DDX51: variants seen among roughly 807,000 people sequenced by gnomAD.
DDX51 encodes the protein DEAD-box helicase 51.
In DDX51, 67 loss-of-function variants were observed where a neutral mutation model predicts 74.6. The ratio of observed to expected loss-of-function variants is 0.90; its 90% CI spans 0.74 to 1.10. The LOEUF (loss-of-function observed/expected upper bound fraction) is 1.10. Ranked by LOEUF, DDX51 falls within the 50% of genes least tolerant of loss-of-function variation. The pLI is 0.00. For missense variants in DDX51, 1,056 were observed against 905.2 expected, an observed-to-expected ratio of 1.17 and a Z score of -2.14; for synonymous variants, 545 against 402.9, an observed-to-expected ratio of 1.35 and a Z score of -4.22.
At chr12:132,140,042 C>T (rs891270243) in intron 12 of DDX51, 56 bp downstream of exon 12, 40 of 1,605,248 alleles carry the variant, frequency 2.5e-5, no homozygotes, top group Non-Finnish European at 3.2e-5. Flanking sequence ...CCCACATCAA[C>T]GCCCAGGAGC....
intron 5 of DDX51, 75 bp downstream of exon 5, chr12:132,142,044 A>G: frequency 6.2e-7 from 1 of 1,602,456 alleles, no homozygotes; most frequent in Non-Finnish European, 8.5e-7. Flanking sequence ...TGGGTCCCCC[A>G]GGGGCTGATC....
At chr12:132,139,536 G>A (rs755622658) in intron 14 of DDX51, 99 bp downstream of exon 14, 12 of 1,605,792 alleles carry the variant, frequency 7.5e-6, no homozygotes, top group African/African-American at 1.3e-5. Flanking sequence ...TTGCCTTCTC[G>A]CTTTCCTCTT....
In DDX51 at chr12:132,144,115, T is replaced by C. The variant is rs993922708; in HGVS notation, c.182A>G (p.Glu61Gly). The change falls in exon 1 of 15, where the codon GAG becomes GGG. Residue 61 changes from glutamate to glycine, a missense_variant. By Grantham distance (98) the Glu-to-Gly change is moderately conservative (BLOSUM62 -2). Coordinates refer to ENST00000397333, the MANE Select transcript of DDX51 (RefSeq NM_175066.4). ...PAQTEAAAST[E>G]PATRRRRRPR... is the part of the protein sequence containing the mutation. ...CCGCCGTCGCCTCCTGGTCGCCGGC[T>C]CGGTCGATGCAGCCGCCTCGGTCTG... 19 of 1,217,738 alleles carry C rather than the reference T, an allele frequency of 1.6e-5. No individual in the cohort carries two copies. The highest frequency in any genetic ancestry group is 1.9e-5 in the Non-Finnish European group (19 of 980,102). 75.4% of individuals were successfully genotyped at this position (1,217,738 alleles called of 1,614,324 possible).
Position 132,139,164 on chromosome 12 carries a change from C to A in DDX51, c.*108G>T. ...ACGTGCTTGGGGAGGAAGGCTGTGT[C>A]CACTGGGGGATTCCTTTCCTCACAT... On this transcript the variant is annotated 3_prime_UTR_variant, in exon 15 of 15. Coordinates refer to ENST00000397333, the MANE Select transcript of DDX51 (RefSeq NM_175066.4). The A allele has an allele frequency of 6.8e-7, 1 of 1,481,222 alleles. No homozygotes were observed. Among genetic ancestry groups the A allele is most frequent in the Non-Finnish European group, 9.1e-7 (1 of 1,098,026 alleles). 91.8% of individuals were successfully genotyped at this position (1,481,222 alleles called of 1,614,324 possible). A position where few individuals can be genotyped will look rare whatever the true frequency, so the allele number is the denominator to read the frequency against.
At chr12:132,143,013 G>C in intron 2 of DDX51, 135 bp from the exon 3 acceptor site, 1 of 1,173,840 alleles carries the variant, frequency 8.5e-7, no homozygotes, top group South Asian at 1.3e-5. Context: ...CCCAGGATGC[G>C]CTTTCCATAC....
rs1429485970 is a variant in DDX51 at position 132,138,747 on chromosome 12, G to A, written c.*525C>T. The A allele has an allele frequency of 2.6e-5, 4 of 152,618 alleles. No homozygotes were observed. The highest frequency in any genetic ancestry group is 5.8e-5 in the Non-Finnish European group (4 of 68,472). 9.5% of individuals were successfully genotyped at this position (152,618 alleles called of 1,614,324 possible). A position where few individuals can be genotyped will look rare whatever the true frequency, so the allele number is the denominator to read the frequency against. On this transcript the variant is annotated 3_prime_UTR_variant, in exon 15 of 15. Transcript: ENST00000397333. ...CCATTTTCCTGCCTCAGCCTCCCAA[G>A]TAGCTGGATTACAGGCATGCACCAC...
rs372683976 is a variant in DDX51, at chr12:132,140,984, G to C, written c.1287C>G (p.Leu429=). The change falls in exon 9 of 15, where the codon CTC becomes CTG. Residue 429 remains leucine (L), a synonymous_variant. Coordinates refer to ENST00000397333, the MANE Select transcript of DDX51 (RefSeq NM_175066.4). ...GGTTCTGGGTCAGAGTAGCTGAGAA[G>C]AGCAGCTTCTGCAGGGGCATCTGGG... The part of the protein sequence containing the change: ...CCPQMPLQKL[L]FSATLTQNPE... 9 of 1,607,532 alleles carry C rather than the reference G, an allele frequency of 5.6e-6. No individual in the cohort carries two copies. In the African/African-American group the frequency reaches 1.1e-4, roughly 19 times the overall value.
At position 132,142,110 on chromosome 12, in the gene DDX51, T is replaced by C. The variant is rs1165192622; in HGVS notation, c.888+9A>G. ...GCGGTGCCACGCTCCAGGTCTAGGG[T>C]CCACATACCTGCTGGGCCAGCTCCT... On this transcript the variant is annotated intron_variant, in intron 5 of 14. Transcript: ENST00000397333. 2 of 1,550,780 alleles carry C rather than the reference T, an allele frequency of 1.3e-6. No individual in the cohort carries two copies. The highest frequency in any genetic ancestry group is 2.5e-5 in the South Asian group (2 of 80,158).
Position 132,139,675 on chromosome 12 carries a change from C to G in DDX51, c.1934G>C (p.Arg645Pro). ...SSKLLQPLVP[R>P]YEEALSQLEE... is the part of the protein sequence containing the mutation. ...CAGCTGGGACAGGGCCTCCTCGTAC[C>G]GAGGAACCAGCGGCTGCAGCAGCTT... The change falls in exon 14 of 15, where the codon CGG (arginine) becomes CCG (proline). Residue 645 changes from arginine to proline, a missense_variant. Transcript: ENST00000397333. 1 of 1,613,120 alleles carries G rather than the reference C, an allele frequency of 6.2e-7. No homozygotes were observed. The highest frequency in any genetic ancestry group is 8.5e-7 in the Non-Finnish European group (1 of 1,180,010).
intron 2 of DDX51, 180 bp downstream of exon 2, chr12:132,143,515 G>A (rs1260963762): frequency 3.8e-6 from 3 of 785,616 alleles, no homozygotes; most frequent in Non-Finnish European, 3.9e-6. Flanking sequence ...CAGAGGAAAC[G>A]GGAGCTCTGC....
rs369695949 is a variant in DDX51, at chr12:132,141,652, C to A, written c.996-46G>T. The A allele has an allele frequency of 3.2e-5, 49 of 1,534,872 alleles. No homozygotes were observed. The African/African-American group carries it at 6.3e-4, about 20-fold the overall frequency. On this transcript the variant is annotated intron_variant, in intron 6 of 14. Transcript: ENST00000397333. ...CGAGAGAAGGAAGCTTTCTCAAGGGCTTCCGGATAGCAAGACGCTGCCTCA... is the reference window on the plus strand; with the variant it reads ...CGAGAGAAGGAAGCTTTCTCAAGGGATTCCGGATAGCAAGACGCTGCCTCA...
chr12:132,141,879 G>A lies in DDX51; in HGVS notation c.966C>T (p.Ala322=). ...VSLVTGQKSL[A]KEQESLVQKT... ...TCTGGACGAGGCTCTCCTGCTCCTT[G>A]GCCAGAGACTTCTGTCCCGTAACCA... The change falls in exon 6 of 15, where the codon GCC becomes GCT. Residue 322 remains alanine, a synonymous_variant. Transcript: ENST00000397333. The A allele has an allele frequency of 6.2e-7, 1 of 1,613,194 alleles. No individual in the cohort carries two copies. Among genetic ancestry groups the A allele is most frequent in the Non-Finnish European group, 8.5e-7 (1 of 1,179,998 alleles).
chr12:132,141,980 C>T (rs1897483876), intron 5 of DDX51, 24 bp from the exon 6 acceptor site: 1 of 1,611,528 alleles, frequency 6.2e-7, no homozygotes, highest in African/African-American at 1.3e-5. Context: ...CTGTCACTGG[C>T]CTGGAGGTAG....
chr12:132,143,990 C>A lies in DDX51; in HGVS notation c.304+3G>T, dbSNP rs1183962909. 2.9e-6 allele frequency: 4 copies of A among 1,398,712 alleles called. No individual in the cohort carries two copies. Among genetic ancestry groups the A allele is most frequent in the African/African-American group, 1.5e-5 (1 of 66,136 alleles). The allele number at this position is 1,398,712 out of a possible 1,614,324, so 86.6% of individuals were successfully genotyped here. On this transcript the variant is annotated splice_donor_region_variant and intron_variant, in intron 1 of 14. Transcript: ENST00000397333. The stretch of plus-strand genomic sequence containing the variant: ...GAGGGAGCCCGCTCGCCCCGCGGCC[C>A]ACCTGCGCCCGCGTCCTCGCCGTCC...
intron 3 of DDX51, 121 bp from the exon 4 acceptor site, chr12:132,142,543 G>A (rs1439948553): frequency 1.5e-5 from 22 of 1,487,724 alleles, no homozygotes; most frequent in East Asian, 2.4e-5. Context: ...CTCCCCAGAG[G>A]GATGGCACCA....
Position 132,139,260 on chromosome 12 carries a change from C to G in DDX51, c.*12G>C. On this transcript the variant is annotated 3_prime_UTR_variant, in exon 15 of 15. Coordinates refer to ENST00000397333, the MANE Select transcript of DDX51 (RefSeq NM_175066.4). ...GTGAGCGTTCAGTCCCTCCGGCCCTCTGAGCCCCAGCCTAGGCCGCCCTCT... is the reference window on the plus strand; with the variant it reads ...GTGAGCGTTCAGTCCCTCCGGCCCTGTGAGCCCCAGCCTAGGCCGCCCTCT... 1.9e-6 allele frequency: 3 copies of G among 1,607,776 alleles called. No homozygotes were observed. The South Asian group carries it at 3.3e-5, about 18-fold the overall frequency.
At position 132,137,980 on chromosome 12, in the gene DDX51, G is replaced by A. The variant is rs374658352; in HGVS notation, c.*1292C>T. The A allele has an allele frequency of 2.0e-5, 3 of 152,232 alleles. No homozygotes were observed. Among genetic ancestry groups the A allele is most frequent in the African/African-American group, 4.8e-5 (2 of 41,438 alleles). 9.4% of individuals were successfully genotyped at this position (152,232 alleles called of 1,614,324 possible). A position where few individuals can be genotyped will look rare whatever the true frequency, so the allele number is the denominator to read the frequency against. ...CTTCCTTCAGTTAGCGTCAGGTTCC[G>A]GGTTCATCCACGGGGTGCCTATGCT... On this transcript the variant is annotated 3_prime_UTR_variant, in exon 15 of 15. Coordinates refer to ENST00000397333, the MANE Select transcript of DDX51 (RefSeq NM_175066.4).
chr12:132,141,661 A>G (rs1421388918), intron 6 of DDX51, 55 bp from the exon 7 acceptor site: 1 of 1,526,748 alleles, frequency 6.5e-7, no homozygotes, highest in Non-Finnish European at 8.8e-7. Context: ...GCTTCCGGAT[A>G]GCAAGACGCT....
intron 2 of DDX51, 126 bp downstream of exon 2, chr12:132,143,569 G>C (rs549929202): frequency 7.9e-7 from 1 of 1,272,236 alleles, no homozygotes; most frequent in Non-Finnish European, 1.1e-6. Context: ...TGCAGACCTG[G>C]CAGCGAGGCG....
Sources: allele counts gnomAD v4.1 joint callset, GRCh38; gene constraint gnomAD v4.1.1; transcripts MANE v1.5; gene names NCBI Gene and HGNC (gene_info 2026-07-23, HGNC 2026-07-21).